MAN1A1: variants seen among roughly 807,000 people sequenced by gnomAD.
The protein encoded by MAN1A1 is mannosidase alpha class 1A member 1.
MAN1A1 carries 29 observed loss-of-function variants against 70.8 expected under a neutral mutation model. That is an observed-to-expected ratio of 0.41 (90% CI 0.31 to 0.56). The LOEUF (loss-of-function observed/expected upper bound fraction) is 0.56. Among genes scored for constraint, MAN1A1 ranks in the 20% least tolerant of loss-of-function variants. The probability of loss-of-function intolerance (pLI) is 0.29; values close to 1 mark genes in which losing one functional copy is unlikely to be tolerated. For missense variants in MAN1A1, 747 were observed against 841.3 expected (o/e 0.89, Z 1.39); for synonymous variants, 349 against 330.1 (o/e 1.06, Z -0.62).
At chr6:119,248,043 C>A (rs1423466856) in intron 6 of MAN1A1, among the ~76,000 whole-genome samples, 1 of 152,174 alleles carries the variant, frequency 6.6e-6, no homozygotes, top group Non-Finnish European at 1.5e-5. Flanking sequence ...CTGAATGACT[C>A]TGTTGAGGTC....
intron 2 of MAN1A1, among the ~76,000 whole-genome samples, chr6:119,316,385 C>T (rs953817623): frequency 1.3e-5 from 2 of 151,896 alleles, no homozygotes; most frequent in Middle Eastern, 3.2e-3. Context: ...AGGCTGGTCT[C>T]GAACTCCTGA....
At chr6:119,254,682 T>A (rs6941681) in intron 5 of MAN1A1, among the ~76,000 whole-genome samples, 10,915 of 152,248 alleles carry the variant, frequency 0.072, 611 homozygotes, top group African/African-American at 0.16. Context: ...ATGGTTTTTG[T>A]ACAACTAGCA....
chr6:119,328,301 A>C (rs1323447815), intron 2 of MAN1A1, among the ~76,000 whole-genome samples: 1 of 152,208 alleles, frequency 6.6e-6, no homozygotes, highest in Non-Finnish European at 1.5e-5. Context: ...AATATCTGCA[A>C]AGGTTTCCTA....
Position 119,179,719 on chromosome 6 carries a change from AC to A in MAN1A1, c.*99del, listed in dbSNP as rs1447761399. On this transcript the variant is annotated 3_prime_UTR_variant, in exon 13 of 13. Transcript: ENST00000368468. Reference sequence around the variant, plus strand: ...AAACAATTTAAGAACTTAATCACAGACCTACTAATCAAAGTTCATCATGTGC... The same window carrying A: ...AAACAATTTAAGAACTTAATCACAGACTACTAATCAAAGTTCATCATGTGC... The A allele has an allele frequency of 1.3e-5, 14 of 1,103,488 alleles. No homozygotes were observed. 68.4% of individuals were successfully genotyped at this position (1,103,488 alleles called of 1,614,324 possible). A position where few individuals can be genotyped will look rare whatever the true frequency, so the allele number is the denominator to read the frequency against.
rs1393976562 is a variant in MAN1A1, at chr6:119,188,666, T to G, written c.1547-89A>C. 3 of 1,177,104 alleles carry G rather than the reference T, an allele frequency of 2.5e-6. No individual in the cohort carries two copies. The African/African-American group carries it at 4.6e-5, about 18-fold the overall frequency. The allele number at this position is 1,177,104 out of a possible 1,614,324, so 72.9% of individuals were successfully genotyped here. A position where few individuals can be genotyped will look rare whatever the true frequency, so the allele number is the denominator to read the frequency against. ...TAAATGAAACTAGAAAGTACAGTCA[T>G]CCCTCAGTATCTATGAGGGACTGGT... On this transcript the variant is annotated intron_variant, in intron 10 of 12. Coordinates refer to ENST00000368468, the MANE Select transcript of MAN1A1 (RefSeq NM_005907.4).
chr6:119,216,654 A>G (rs1427518584), intron 6 of MAN1A1, among the ~76,000 whole-genome samples: 1 of 152,204 alleles, frequency 6.6e-6, no homozygotes, highest in Non-Finnish European at 1.5e-5. Context: ...ATTTATAAAG[A>G]TCAATTTGTT....
chr6:119,192,875 G>A (rs973160534), intron 9 of MAN1A1, among the ~76,000 whole-genome samples: 1 of 151,882 alleles, frequency 6.6e-6, no homozygotes, highest in East Asian at 1.9e-4. Flanking sequence ...CTTTATTTTC[G>A]GTTTTGATTG....
At chr6:119,203,661 T>C (rs944326072) in intron 7 of MAN1A1, among the ~76,000 whole-genome samples, 1 of 152,002 alleles carries the variant, frequency 6.6e-6, no homozygotes, top group African/African-American at 2.4e-5. Context: ...CTTAGTGGAC[T>C]GGGCCTGGGG....
chr6:119,305,664 A>C (rs1456289184), intron 3 of MAN1A1, among the ~76,000 whole-genome samples: 2 of 152,028 alleles, frequency 1.3e-5, no homozygotes, highest in Non-Finnish European at 2.9e-5. Flanking sequence ...CTTTCTCCCA[A>C]CCTGAGGTCC....
At chr6:119,329,360 T>C (rs1489070174) in intron 2 of MAN1A1, among the ~76,000 whole-genome samples, 1 of 152,200 alleles carries the variant, frequency 6.6e-6, no homozygotes, top group Non-Finnish European at 1.5e-5. Flanking sequence ...AAATGAGGAA[T>C]AGCAGTCTTG....
chr6:119,313,186 T>C (rs1225273143), intron 2 of MAN1A1, among the ~76,000 whole-genome samples: 1 of 152,178 alleles, frequency 6.6e-6, no homozygotes, highest in Non-Finnish European at 1.5e-5. Flanking sequence ...CAGAGCCTGA[T>C]GTGACTCCGC....
chr6:119,328,494 C>A (rs1231193402), intron 2 of MAN1A1, among the ~76,000 whole-genome samples: 4 of 152,126 alleles, frequency 2.6e-5, no homozygotes, highest in Admixed American at 2.6e-4. Flanking sequence ...GTGTGTGCTG[C>A]CTTTAACACT....
intron 5 of MAN1A1, among the ~76,000 whole-genome samples, chr6:119,287,209 G>A (rs1776399237): frequency 1.3e-5 from 2 of 152,048 alleles, no homozygotes; most frequent in African/African-American, 4.8e-5. Flanking sequence ...GTGTCCCAAG[G>A]TGATAGTACA....
At chr6:119,232,395 A>G (rs1774709231) in intron 6 of MAN1A1, among the ~76,000 whole-genome samples, 1 of 146,916 alleles carries the variant, frequency 6.8e-6, no homozygotes, top group Non-Finnish European at 1.5e-5. Flanking sequence ...AAAAAAAAGA[A>G]AAACATTGGA....
chr6:119,297,377 C>T (rs1484791891), intron 4 of MAN1A1, among the ~76,000 whole-genome samples: 2 of 152,168 alleles, frequency 1.3e-5, no homozygotes, highest in Non-Finnish European at 2.9e-5. Context: ...ATTCATTTAA[C>T]AAATATTTAT....
At position 119,193,989 on chromosome 6, in the gene MAN1A1, A is replaced by G. The variant is rs1773505190; in HGVS notation, c.1211-97T>C. ...GCAACTAGGATGCAACCCTATGTCA[A>G]CTGCAAGTCACTGTTACATTTAAAT... On this transcript the variant is annotated intron_variant, in intron 8 of 12. Coordinates refer to ENST00000368468, the MANE Select transcript of MAN1A1 (RefSeq NM_005907.4). 8 of 646,974 alleles carry G rather than the reference A, an allele frequency of 1.2e-5. No homozygotes were observed. The Admixed American group carries it at 2.1e-4, about 17-fold the overall frequency. 40.1% of individuals were successfully genotyped at this position (646,974 alleles called of 1,614,324 possible). A position where few individuals can be genotyped will look rare whatever the true frequency, so the allele number is the denominator to read the frequency against.
intron 5 of MAN1A1, among the ~76,000 whole-genome samples, chr6:119,287,548 T>A (rs1456984368): frequency 1.3e-5 from 2 of 152,076 alleles, no homozygotes; most frequent in African/African-American, 4.8e-5. Context: ...ATGTCACTTT[T>A]TTTTTTAATA....
At chr6:119,310,163 G>A (rs897804751) in intron 2 of MAN1A1, among the ~76,000 whole-genome samples, 6 of 152,166 alleles carry the variant, frequency 3.9e-5, no homozygotes, top group Non-Finnish European at 7.4e-5. Context: ...AATCAAGCAC[G>A]CTGAAGAAAG....
chr6:119,198,552 T>A (rs944131186), intron 8 of MAN1A1, among the ~76,000 whole-genome samples: 1 of 152,100 alleles, frequency 6.6e-6, no homozygotes, highest in Non-Finnish European at 1.5e-5. Flanking sequence ...AAAATTAAAA[T>A]AATTTAAAAA....
Sources: allele counts gnomAD v4.1 joint callset (sites outside exome capture counted in the v4.1 genomes callset), GRCh38; gene constraint gnomAD v4.1.1; transcripts MANE v1.5; gene names NCBI Gene and HGNC (gene_info 2026-07-23, HGNC 2026-07-21).